KIF26B: variants seen among roughly 807,000 people sequenced by gnomAD.
KIF26B encodes kinesin-like protein KIF26B.
Under a neutral mutation model 151.2 loss-of-function variants are expected in KIF26B, and 63 were observed. The observed-to-expected ratio is 0.42, with a 90% CI of 0.34 to 0.51. The LOEUF is 0.51. Ranked by LOEUF, KIF26B falls within the 20% of genes least tolerant of loss-of-function variation. The probability of loss-of-function intolerance (pLI) is 0.07; values close to 1 mark genes in which losing one functional copy is unlikely to be tolerated. For synonymous variants in KIF26B, 1,357 were observed against 1,262.1 expected (o/e 1.08, Z -1.59); for missense variants, 2,813 against 2,913.6 (o/e 0.97, Z 0.79).
intron 5 of KIF26B, among the ~76,000 whole-genome samples, chr1:245,557,595 C>T (rs995930367): frequency 7.2e-5 from 11 of 152,188 alleles, no homozygotes; most frequent in African/African-American, 2.4e-4. Context: ...GTCCTAGGAG[C>T]TCAGCGCTTG....
At chr1:245,575,645 C>A (rs1037287950) in intron 5 of KIF26B, among the ~76,000 whole-genome samples, 1 of 152,156 alleles carries the variant, frequency 6.6e-6, no homozygotes, top group Non-Finnish European at 1.5e-5. Context: ...ACTTTCCCCT[C>A]AGAGAGTGGC....
Position 245,309,519 on chromosome 1 carries a change from G to GCC in KIF26B, c.466-57313_466-57312dup, listed in dbSNP as rs531335692. On this transcript the variant is annotated intron_variant, in intron 2 of 14. Coordinates refer to ENST00000407071, the MANE Select transcript of KIF26B (RefSeq NM_018012.4). ...ACGCCATCGGGTCTCCTGGTTCTCA[G>GCC]CCCTTTGGACTACCACTGGGACTGT... is the stretch of plus-strand genomic sequence containing the variant. 3.3e-5 allele frequency among the ~76,000 whole-genome samples: 5 copies of GCC among 152,068 alleles called. No homozygotes were observed. In the East Asian group the frequency reaches 9.7e-4, roughly 29 times the overall value.
intron 5 of KIF26B, among the ~76,000 whole-genome samples, chr1:245,544,755 G>A (rs1661700166): frequency 6.6e-6 from 1 of 152,200 alleles, no homozygotes; most frequent in African/African-American, 2.4e-5. Flanking sequence ...CCTTTGTCCA[G>A]TGGGGAAAGA....
intron 10 of KIF26B, among the ~76,000 whole-genome samples, chr1:245,657,649 A>G (rs994178900): frequency 6.6e-6 from 1 of 152,012 alleles, no homozygotes; most frequent in Non-Finnish European, 1.5e-5. Context: ...GAGATGACTG[A>G]ACACCCCACC....
At chr1:245,380,642 G>A (rs1342259347) in intron 3 of KIF26B, among the ~76,000 whole-genome samples, 1 of 152,182 alleles carries the variant, frequency 6.6e-6, no homozygotes, top group Admixed American at 6.5e-5. Flanking sequence ...GGAAGTGACA[G>A]CGATGGGAGT....
chr1:245,685,833 G>A lies in KIF26B; in HGVS notation c.2850G>A (p.Leu950=). ...EEPSSFPFEE[L]PAQFGPEQAS... ...CCAGCAGCTTTCCTTTCGAAGAACT[G>A]CCTGCTCAGTTTGGGCCAGAGCAGG... The change falls in exon 12 of 15, where the codon CTG becomes CTA. Residue 950 remains leucine, a synonymous_variant. Transcript: ENST00000407071. 6.2e-7 allele frequency: 1 copy of A among 1,611,994 alleles called. No individual in the cohort carries two copies. Among genetic ancestry groups the A allele is most frequent in the Non-Finnish European group, 8.5e-7 (1 of 1,179,306 alleles).
At chr1:245,434,444 A>C (rs1658854705) in intron 4 of KIF26B, among the ~76,000 whole-genome samples, 1 of 152,110 alleles carries the variant, frequency 6.6e-6, no homozygotes, top group African/African-American at 2.4e-5. Context: ...TCCATCACTC[A>C]CCATTCTCTC....
In KIF26B at chr1:245,155,407, T is replaced by C. The variant is rs1450611107; in HGVS notation, c.-18T>C. ...GCGTCGGTGGAACCTTTAGATACTCTCCTCTGGAAAAGCCACCATGAATTC... is the reference window on the plus strand; with the variant it reads ...GCGTCGGTGGAACCTTTAGATACTCCCCTCTGGAAAAGCCACCATGAATTC... On this transcript the variant is annotated 5_prime_UTR_variant, in exon 1 of 15. Coordinates refer to ENST00000407071, the MANE Select transcript of KIF26B (RefSeq NM_018012.4). 1.2e-6 allele frequency: 2 copies of C among 1,603,096 alleles called. No individual in the cohort carries two copies. Among genetic ancestry groups the C allele is most frequent in the African/African-American group, 1.3e-5 (1 of 74,712 alleles).
intron 2 of KIF26B, among the ~76,000 whole-genome samples, chr1:245,168,157 C>A (rs75070137): frequency 1.3e-5 from 2 of 152,210 alleles, no homozygotes; most frequent in African/African-American, 4.8e-5. Context: ...TTTGGGAGTC[C>A]ACTCCGTGAA....
chr1:245,687,669 C>G lies in KIF26B; in HGVS notation c.4686C>G (p.Asn1562Lys). 6.3e-7 allele frequency: 1 copy of G among 1,577,274 alleles called. No homozygotes were observed. Among genetic ancestry groups the G allele is most frequent in the Non-Finnish European group, 8.6e-7 (1 of 1,161,884 alleles). The change falls in exon 12 of 15, where the codon AAC (asparagine) becomes AAG (lysine). Residue 1562 changes from asparagine (N) to lysine (K), a missense_variant. Asn to Lys is a moderately conservative substitution (Grantham distance 94). Coordinates refer to ENST00000407071, the MANE Select transcript of KIF26B (RefSeq NM_018012.4). The surrounding 1 kb of genome is among the most constrained non-coding windows in gnomAD (Gnocchi z 4.9). ...CCTATTACTGCGCTGCTGAGACCAACGGGGTGGGTGCAGCCTCGGGCACCC... is the reference window on the plus strand; with the variant it reads ...CCTATTACTGCGCTGCTGAGACCAAGGGGGTGGGTGCAGCCTCGGGCACCC... Reference protein sequence around the residue: ...SLSYYCAAETNGVGAASGTPP... With the variant: ...SLSYYCAAETKGVGAASGTPP...
intron 8 of KIF26B, among the ~76,000 whole-genome samples, 169 bp downstream of exon 8, chr1:245,609,697 C>T (rs1169118966): frequency 6.6e-6 from 1 of 152,122 alleles, no homozygotes; most frequent in Non-Finnish European, 1.5e-5. Context: ...CATCGGCTTG[C>T]CCAGTCTAAA....
chr1:245,317,726 C>T (rs899863361), intron 2 of KIF26B, among the ~76,000 whole-genome samples: 1 of 152,194 alleles, frequency 6.6e-6, no homozygotes, highest in Non-Finnish European at 1.5e-5. Flanking sequence ...TCCTGCACAC[C>T]CTGATGCTGG....
At chr1:245,573,943 T>C (rs1466126250) in intron 5 of KIF26B, among the ~76,000 whole-genome samples, 4 of 152,196 alleles carry the variant, frequency 2.6e-5, no homozygotes, top group Non-Finnish European at 5.9e-5. Context: ...CTACTCAGAA[T>C]GGTGTGCAGT....
chr1:245,592,848 C>T (rs1438057211), intron 5 of KIF26B, among the ~76,000 whole-genome samples: 1 of 152,198 alleles, frequency 6.6e-6, no homozygotes, highest in Non-Finnish European at 1.5e-5. Flanking sequence ...GGGGTCCTTT[C>T]AGGCATGGGT....
intron 4 of KIF26B, among the ~76,000 whole-genome samples, chr1:245,494,466 A>T (rs1660471267): frequency 6.6e-6 from 1 of 152,194 alleles, no homozygotes; most frequent in African/African-American, 2.4e-5. Context: ...TCAGTCTGGG[A>T]TTGGTTTAGC....
chr1:245,628,235 G>A (rs2103169732), intron 9 of KIF26B, among the ~76,000 whole-genome samples: 1 of 150,940 alleles, frequency 6.6e-6, no homozygotes, highest in East Asian at 2.0e-4. Context: ...CATAACCCCA[G>A]CACTTAGGGG....
chr1:245,356,354 G>T (rs190127490), intron 2 of KIF26B, among the ~76,000 whole-genome samples: 151 of 152,226 alleles, frequency 9.9e-4, no homozygotes, highest in Non-Finnish European at 1.9e-3. Flanking sequence ...TCAGGAGTTC[G>T]AGAGCAGCCT....
intron 2 of KIF26B, among the ~76,000 whole-genome samples, chr1:245,230,540 C>A (rs1006140414): frequency 2.0e-5 from 3 of 151,796 alleles, no homozygotes; most frequent in Non-Finnish European, 2.9e-5. Context: ...GTCGGGAGTT[C>A]AAGACTATCC....
intron 3 of KIF26B, among the ~76,000 whole-genome samples, chr1:245,408,806 C>T (rs988462823): frequency 6.6e-6 from 1 of 152,170 alleles, no homozygotes; most frequent in African/African-American, 2.4e-5. Flanking sequence ...GCCCACAGGC[C>T]TTATCTGCTC....
Sources: allele counts gnomAD v4.1 joint callset (sites outside exome capture counted in the v4.1 genomes callset), GRCh38; gene constraint gnomAD v4.1.1; non-coding constraint Gnocchi (gnomAD v3.1); transcripts MANE v1.5; gene names NCBI Gene and HGNC (gene_info 2026-07-23, HGNC 2026-07-21).